The following TASP1 variants were observed in gnomAD, a reference collection of about 807,000 sequenced individuals.
TASP1 encodes the protein threonine aspartase 1.
TASP1 carries 16 observed loss-of-function variants against 56.6 expected under a neutral mutation model. The ratio of observed to expected loss-of-function variants is 0.28; its 90% CI spans 0.19 to 0.43. The LOEUF is 0.43. TASP1 is among the 20% of genes least tolerant of loss of function. The pLI, the probability that TASP1 is intolerant of heterozygous loss-of-function variation, is 1.00. For synonymous variants in TASP1, 179 were observed against 184.2 expected (o/e 0.97, Z 0.23); for missense variants, 393 against 511.6 (o/e 0.77, Z 2.24).
At chr20:13,595,579 G>A (rs2047697972) in intron 4 of TASP1, among the ~76,000 whole-genome samples, 2 of 152,132 alleles carry the variant, frequency 1.3e-5, no homozygotes, top group South Asian at 4.1e-4. Context: ...TGCAATCCTA[G>A]TCTCTGATAA....
the TASP1 span, among the ~76,000 whole-genome samples, chr20:13,210,175 G>A: frequency 1.3e-5 from 2 of 152,088 alleles, no homozygotes; most frequent in South Asian, 2.1e-4. Flanking sequence ...ACATGTAGCC[G>A]CCAACCATTA....
At chr20:13,482,444 T>C (rs2043174317) in intron 11 of TASP1, among the ~76,000 whole-genome samples, 2 of 152,198 alleles carry the variant, frequency 1.3e-5, no homozygotes. Flanking sequence ...TTCAGAAGAA[T>C]GTCATTTGTA....
intron 13 of TASP1, among the ~76,000 whole-genome samples, chr20:13,407,989 CAA>C (rs60768421): frequency 0.01 from 1,584 of 152,198 alleles, 31 homozygotes; most frequent in African/African-American, 0.036. Context: ...ACATGATTTG[CAA>C]ATATTTTTTC....
At chr20:13,153,918 C>G in the TASP1 span, 1 of 1,554,616 alleles carries the variant, frequency 6.4e-7, no homozygotes, top group Non-Finnish European at 8.7e-7. Context: ...TGCAGAAAGA[C>G]TTAAAGATGC....
the TASP1 span, among the ~76,000 whole-genome samples, chr20:13,203,939 T>G: frequency 6.6e-6 from 1 of 152,212 alleles, no homozygotes; most frequent in Non-Finnish European, 1.5e-5. Flanking sequence ...ATTTTCAAAC[T>G]ACAACAAACT....
chr20:13,394,454 CA>C (rs575958156), intron 13 of TASP1, among the ~76,000 whole-genome samples: 1 of 151,074 alleles, frequency 6.6e-6, no homozygotes, highest in African/African-American at 2.4e-5. Context: ...ACTAAAAATA[CA>C]AAAAAAATTA....
At chr20:13,172,868 A>C in the TASP1 span, among the ~76,000 whole-genome samples, 7 of 152,144 alleles carry the variant, frequency 4.6e-5, no homozygotes, top group African/African-American at 1.7e-4. Flanking sequence ...AGTATAATGA[A>C]AAGAAATTTT....
At chr20:13,291,975 G>A in the TASP1 span, among the ~76,000 whole-genome samples, 3 of 152,144 alleles carry the variant, frequency 2.0e-5, no homozygotes. Context: ...CCAAGGTCAC[G>A]TGGCTAGTAA....
the TASP1 span, among the ~76,000 whole-genome samples, chr20:13,252,954 A>G: frequency 1.3e-5 from 2 of 152,072 alleles, no homozygotes; most frequent in Non-Finnish European, 2.9e-5. Context: ...ATCTCACTTA[A>G]TCTTCTGCCA....
chr20:13,475,236 G>GCATTCCTTT, intron 11 of TASP1, among the ~76,000 whole-genome samples: 1 of 152,010 alleles, frequency 6.6e-6, no homozygotes, highest in Non-Finnish European at 1.5e-5. Context: ...TCTTAATGGT[G>GCATTCCTTT]GCATACTGAC....
At chr20:13,565,150 C>T (rs967934331) in intron 7 of TASP1, among the ~76,000 whole-genome samples, 5 of 152,058 alleles carry the variant, frequency 3.3e-5, no homozygotes, top group African/African-American at 1.2e-4. Context: ...AGGGAAACAA[C>T]AGTCTTCAAC....
chr20:13,184,762 A>G, the TASP1 span, among the ~76,000 whole-genome samples: 1 of 152,300 alleles, frequency 6.6e-6, no homozygotes, highest in Admixed American at 6.5e-5. Context: ...ATACATATTT[A>G]AGAAGTTTTT....
At chr20:13,318,714 C>T in the TASP1 span, among the ~76,000 whole-genome samples, 8 of 152,018 alleles carry the variant, frequency 5.3e-5, no homozygotes, top group African/African-American at 1.9e-4. Flanking sequence ...AGAAATGAGC[C>T]GTCAAGCCAT....
intron 6 of TASP1, among the ~76,000 whole-genome samples, chr20:13,575,288 T>C (rs2046860924): frequency 6.6e-6 from 1 of 152,194 alleles, no homozygotes; most frequent in Non-Finnish European, 1.5e-5. Context: ...CTCAGCACAC[T>C]AAGTGATATG....
the TASP1 span, among the ~76,000 whole-genome samples, chr20:13,309,952 C>A: frequency 6.6e-6 from 1 of 151,994 alleles, no homozygotes; most frequent in African/African-American, 2.4e-5. Flanking sequence ...AAAATAAACA[C>A]TTGAAAAAAT....
At chr20:13,420,523 A>C (rs1243964205) in intron 12 of TASP1, among the ~76,000 whole-genome samples, 1 of 152,264 alleles carries the variant, frequency 6.6e-6, no homozygotes, top group Non-Finnish European at 1.5e-5. Flanking sequence ...TTCAGTTATT[A>C]ATTCACGCTA....
chr20:13,201,390 T>C, the TASP1 span, among the ~76,000 whole-genome samples: 1 of 151,978 alleles, frequency 6.6e-6, no homozygotes. Flanking sequence ...TTGGATAGGC[T>C]GTGGAGGGGA....
chr20:13,533,445 A>G (rs981256097), intron 9 of TASP1, among the ~76,000 whole-genome samples: 15 of 152,178 alleles, frequency 9.9e-5, no homozygotes, highest in African/African-American at 3.4e-4. Context: ...GAAGATGTGC[A>G]AGTGAACTGG....
chr20:13,142,263 A>G, the TASP1 span, among the ~76,000 whole-genome samples: 1 of 152,198 alleles, frequency 6.6e-6, no homozygotes, highest in Admixed American at 6.5e-5. Flanking sequence ...CAGCCGTCCC[A>G]CAAACAAGAT....
Sources: gnomAD v4.1 joint callset for allele counts (sites outside exome capture counted in the v4.1 genomes callset) on GRCh38, gnomAD v4.1.1 for gene constraint, MANE v1.5 for transcripts, NCBI Gene and HGNC (gene_info 2026-07-23, HGNC 2026-07-21) for gene names.